The following ADAM29 variants were observed in gnomAD, a reference collection of about 807,000 sequenced individuals.
ADAM29 encodes the protein disintegrin and metalloproteinase domain-containing protein 29.
For synonymous variants in ADAM29, 367 were observed against 342.3 expected, an observed-to-expected ratio of 1.07 and a Z score of -0.80; for missense variants, 969 against 1,001.8, an observed-to-expected ratio of 0.97 and a Z score of 0.44.
intron 2 of ADAM29, among the ~76,000 whole-genome samples, chr4:174,921,422 T>A (rs1203527947): frequency 6.6e-6 from 1 of 152,178 alleles, no homozygotes; most frequent in East Asian, 1.9e-4. Context: ...GTTGCTGGAC[T>A]ACTCTTTATG....
At chr4:174,945,193 C>A (rs75224517) in intron 4 of ADAM29, among the ~76,000 whole-genome samples, 2,135 of 152,130 alleles carry the variant, frequency 0.014, 50 homozygotes, top group African/African-American at 0.049. Flanking sequence ...TTTAATAATA[C>A]CCATACTGAA....
chr4:174,951,220 C>A (rs1745157236), intron 4 of ADAM29, among the ~76,000 whole-genome samples: 1 of 152,202 alleles, frequency 6.6e-6, no homozygotes, highest in Admixed American at 6.5e-5. Flanking sequence ...CCACTCAAGT[C>A]ATTTTGTATG....
chr4:174,969,631 G>A (rs962335252), intron 4 of ADAM29, among the ~76,000 whole-genome samples: 1 of 151,842 alleles, frequency 6.6e-6, no homozygotes, highest in African/African-American at 2.4e-5. Flanking sequence ...ATAAAAGAAT[G>A]CTATACCAAC....
chr4:174,945,646 G>T (rs990659332), intron 4 of ADAM29, among the ~76,000 whole-genome samples: 1 of 151,946 alleles, frequency 6.6e-6, no homozygotes, highest in Non-Finnish European at 1.5e-5. Context: ...TAAGTAATTA[G>T]TTTATCTCGA....
At chr4:174,963,533 C>G (rs962738709) in intron 4 of ADAM29, among the ~76,000 whole-genome samples, 5 of 152,098 alleles carry the variant, frequency 3.3e-5, no homozygotes, top group African/African-American at 1.2e-4. Flanking sequence ...CCACATATAG[C>G]AAAATCCTGA....
intron 4 of ADAM29, among the ~76,000 whole-genome samples, chr4:174,948,228 AGAC>A (rs1744962270): frequency 6.6e-6 from 1 of 152,230 alleles, no homozygotes; most frequent in Non-Finnish European, 1.5e-5. Flanking sequence ...GAAGGTAAGA[AGAC>A]AATCTGGCTT....
chr4:174,975,509 T>A lies in ADAM29; in HGVS notation c.-17T>A. ...ACAGGGACTTCAAAATCACTGTGAT[T>A]TGAAGCCTTTTTGAACATGAAGATG... is the stretch of plus-strand genomic sequence containing the variant. On this transcript the variant is annotated 5_prime_UTR_variant, in exon 5 of 5. The change creates a new upstream start codon in the 5' untranslated region. Coordinates refer to ENST00000359240, the MANE Select transcript of ADAM29 (RefSeq NM_014269.4). The A allele has an allele frequency of 6.7e-7, 1 of 1,497,592 alleles. No homozygotes were observed. Among genetic ancestry groups the A allele is most frequent in the Non-Finnish European group, 8.9e-7 (1 of 1,123,104 alleles). 92.8% of individuals were successfully genotyped at this position (1,497,592 alleles called of 1,614,324 possible).
chr4:174,936,802 T>A (rs1744228570), intron 3 of ADAM29, 131 bp from the exon 4 acceptor site: 1 of 151,956 alleles, frequency 6.6e-6, no homozygotes. Flanking sequence ...CTAAGTGCTA[T>A]CCTAGGAGGA....
At chr4:174,929,477 AG>A (rs1484502351) in intron 2 of ADAM29, among the ~76,000 whole-genome samples, 1 of 152,086 alleles carries the variant, frequency 6.6e-6, no homozygotes. Context: ...AAAATGGAAA[AG>A]GGGGGAAACA....
chr4:174,949,853 T>C (rs115942344), intron 4 of ADAM29, among the ~76,000 whole-genome samples: 4,174 of 152,192 alleles, frequency 0.027, 182 homozygotes, highest in African/African-American at 0.093. Context: ...CCTGTCCTTT[T>C]CCCTCAATTT....
chr4:174,938,078 T>C (rs1368148727), intron 4 of ADAM29, among the ~76,000 whole-genome samples: 1 of 152,082 alleles, frequency 6.6e-6, no homozygotes, highest in African/African-American at 2.4e-5. Flanking sequence ...ACTAGCTATA[T>C]CTGAAAAGAC....
chr4:174,921,638 T>C (rs1256168547), intron 2 of ADAM29, among the ~76,000 whole-genome samples: 1 of 152,220 alleles, frequency 6.6e-6, no homozygotes, highest in Non-Finnish European at 1.5e-5. Context: ...TCAACTCACA[T>C]ATATTTTGAT....
chr4:174,937,415 CTAAGT>C (rs1744263101), intron 4 of ADAM29, among the ~76,000 whole-genome samples: 1 of 151,908 alleles, frequency 6.6e-6, no homozygotes, highest in Non-Finnish European at 1.5e-5. Context: ...CTGTTGAATC[CTAAGT>C]TATTTTACTC....
At chr4:174,962,182 C>T (rs1745860089) in intron 4 of ADAM29, among the ~76,000 whole-genome samples, 1 of 151,980 alleles carries the variant, frequency 6.6e-6, no homozygotes, top group African/African-American at 2.4e-5. Flanking sequence ...CTGAAATTAT[C>T]AATTCATGTT....
intron 1 of ADAM29, 85 bp from the exon 2 acceptor site, chr4:174,920,602 C>G (rs1743111705): frequency 6.6e-6 from 1 of 152,054 alleles, no homozygotes; most frequent in South Asian, 2.1e-4. Context: ...GCAGAAAACA[C>G]TGGAACAAAT....
rs757635836 is a variant in ADAM29, at chr4:174,975,584, T to C, written c.59T>C (p.Ile20Thr). Reference protein sequence around the residue: ...LGVFLSCSGHIQDEHPQYHSP... With the variant: ...LGVFLSCSGHTQDEHPQYHSP... Reference sequence around the variant, plus strand: ...GTGTTTCTGTCCTGTTCTGGACACATCCAGGATGAGCACCCCCAATATCAC... The same window carrying C: ...GTGTTTCTGTCCTGTTCTGGACACACCCAGGATGAGCACCCCCAATATCAC... Residue 20 changes from isoleucine to threonine, a missense_variant, in exon 5 of 5, where the codon ATC (isoleucine) becomes ACC (threonine). Physicochemically the swap from Ile to Thr is moderately conservative, Grantham distance 89. Coordinates refer to ENST00000359240, the MANE Select transcript of ADAM29 (RefSeq NM_014269.4). The C allele has an allele frequency of 6.3e-7, 1 of 1,590,380 alleles. No individual in the cohort carries two copies. The highest frequency in any genetic ancestry group is 8.6e-7 in the Non-Finnish European group (1 of 1,169,430).
chr4:174,975,438 C>G lies in ADAM29; in HGVS notation c.-88C>G, dbSNP rs1419760254. On this transcript the variant is annotated 5_prime_UTR_variant, in exon 5 of 5. Coordinates refer to ENST00000359240, the MANE Select transcript of ADAM29 (RefSeq NM_014269.4). ...CAACTCAGAAGAAGGAGCCACACCA[C>G]CTGTGACTCCAGCCCTGACTTCTGC... 8.3e-6 allele frequency: 11 copies of G among 1,330,852 alleles called. No homozygotes were observed. The highest frequency in any genetic ancestry group is 1.1e-5 in the Non-Finnish European group (11 of 994,482). 82.4% of individuals were successfully genotyped at this position (1,330,852 alleles called of 1,614,324 possible).
chr4:174,931,607 T>C (rs1281459937), intron 3 of ADAM29, among the ~76,000 whole-genome samples: 2 of 152,310 alleles, frequency 1.3e-5, no homozygotes. Context: ...TTAACAAAAA[T>C]TGTTTATGCA....
Position 174,975,694 on chromosome 4 carries a change from C to A in ADAM29, c.169C>A (p.Pro57Thr). The change falls in exon 5 of 5, where the codon CCC becomes ACC. Residue 57 changes from proline (P) to threonine (T), a missense_variant. Coordinates refer to ENST00000359240, the MANE Select transcript of ADAM29 (RefSeq NM_014269.4). ...TCCAGGCTGGCTCTCCTATATCCTG[C>A]CCTTTGGAGGCCAGAAACACATTAT... Reference protein sequence around the residue: ...TPPGWLSYILPFGGQKHIIHI... With the variant: ...TPPGWLSYILTFGGQKHIIHI... 1.2e-6 allele frequency: 2 copies of A among 1,611,578 alleles called. No individual in the cohort carries two copies. The highest frequency in any genetic ancestry group is 1.7e-6 in the Non-Finnish European group (2 of 1,178,996).
Sources: gnomAD v4.1 joint callset for allele counts (sites outside exome capture counted in the v4.1 genomes callset) on GRCh38, gnomAD v4.1.1 for gene constraint, MANE v1.5 for transcripts, NCBI Gene and HGNC (gene_info 2026-07-23, HGNC 2026-07-21) for gene names.